The following MGAT4C variants were observed in gnomAD, a reference collection of about 807,000 sequenced individuals.
The protein encoded by MGAT4C is alpha-1,3-mannosyl-glycoprotein 4-beta-N-acetylglucosaminyltransferase C.
In MGAT4C, 19 loss-of-function variants were observed where a neutral mutation model predicts 40.1. That is an observed-to-expected ratio of 0.47 (90% CI 0.33 to 0.70). The LOEUF is 0.70. Ranked by LOEUF, MGAT4C falls within the 30% of genes least tolerant of loss-of-function variation. The pLI, the probability that MGAT4C is intolerant of heterozygous loss-of-function variation, is 0.02. For missense variants in MGAT4C, 491 were observed against 563.2 expected, an observed-to-expected ratio of 0.87 and a Z score of 1.30; for synonymous variants, 181 against 187.1, an observed-to-expected ratio of 0.97 and a Z score of 0.27.
chr12:86,374,689 C>T (rs1955791477), intron 3 of MGAT4C, among the ~76,000 whole-genome samples: 1 of 152,128 alleles, frequency 6.6e-6, no homozygotes, highest in African/African-American at 2.4e-5. Context: ...ACAGCTTATG[C>T]TTCACCATGC....
chr12:86,286,485 G>A lies in MGAT4C; in HGVS notation c.-57+47580C>T, dbSNP rs182161508. ...ATTCCTCACACTATTAAGCATGTACGTTTTTAAAACATGGCAGTAAATGAA... is the reference window on the plus strand; with the variant it reads ...ATTCCTCACACTATTAAGCATGTACATTTTTAAAACATGGCAGTAAATGAA... On this transcript the variant is annotated intron_variant, in intron 4 of 7. Transcript: ENST00000548651. 1.9e-3 allele frequency among the ~76,000 whole-genome samples: 293 copies of A among 152,222 alleles called. 3 individuals are homozygous for A. Among genetic ancestry groups the A allele is most frequent in the Admixed American group, 0.018 (279 of 15,278 alleles).
intron 1 of MGAT4C, among the ~76,000 whole-genome samples, chr12:86,803,031 T>C (rs1952263922): frequency 7.5e-6 from 1 of 133,404 alleles, no homozygotes; most frequent in African/African-American, 2.8e-5. Context: ...AAGGCTACAG[T>C]AACCAAAACA....
intron 2 of MGAT4C, among the ~76,000 whole-genome samples, chr12:86,624,181 G>A (rs1260918269): frequency 6.6e-6 from 1 of 152,124 alleles, no homozygotes; most frequent in Admixed American, 6.6e-5. Context: ...ACTGAGGCAA[G>A]GGCCTACCCA....
chr12:86,534,457 A>G (rs994125383), intron 2 of MGAT4C, among the ~76,000 whole-genome samples: 1 of 152,120 alleles, frequency 6.6e-6, no homozygotes, highest in Admixed American at 6.6e-5. Context: ...TATGAAATCA[A>G]ACTGTACACC....
At chr12:86,782,831 A>C (rs1241603774) in intron 1 of MGAT4C, among the ~76,000 whole-genome samples, 1 of 152,200 alleles carries the variant, frequency 6.6e-6, no homozygotes, top group Non-Finnish European at 1.5e-5. Flanking sequence ...CTGCGTATGT[A>C]CAAGCCAGAA....
chr12:86,324,994 T>C (rs11103929), intron 4 of MGAT4C, among the ~76,000 whole-genome samples: 2,113 of 152,238 alleles, frequency 0.014, 63 homozygotes, highest in African/African-American at 0.048. Flanking sequence ...TGTTACTTGG[T>C]ATAAAATAAA....
At chr12:86,363,154 T>C (rs61949471) in intron 3 of MGAT4C, among the ~76,000 whole-genome samples, 12,890 of 152,074 alleles carry the variant, frequency 0.085, 763 homozygotes, top group Middle Eastern at 0.23. Flanking sequence ...GGGTATATAA[T>C]ATATTATCAA....
intron 3 of MGAT4C, among the ~76,000 whole-genome samples, chr12:86,336,845 G>A (rs144431555): frequency 3.6e-4 from 55 of 152,234 alleles, no homozygotes; most frequent in Non-Finnish European, 5.9e-4. Flanking sequence ...TTCAATATTT[G>A]TATGCGAGTT....
chr12:86,114,697 C>T (rs1375239469), intron 1 of MGAT4C, among the ~76,000 whole-genome samples: 1 of 151,736 alleles, frequency 6.6e-6, no homozygotes, highest in Non-Finnish European at 1.5e-5. Context: ...CTCTGAGGTG[C>T]CCAAGGCAAA....
At chr12:86,574,864 C>A (rs1030879308) in intron 2 of MGAT4C, among the ~76,000 whole-genome samples, 6 of 151,776 alleles carry the variant, frequency 4.0e-5, no homozygotes, top group African/African-American at 1.4e-4. Context: ...TATTAACCCC[C>A]TGATTTTTAT....
At chr12:86,046,872 T>C (rs185085767) in intron 2 of MGAT4C, among the ~76,000 whole-genome samples, 538 of 152,322 alleles carry the variant, frequency 3.5e-3, no homozygotes, top group African/African-American at 0.013. Context: ...TTCTATTGAA[T>C]CATACACGAA....
At chr12:86,712,549 A>C (rs1172681042) in intron 2 of MGAT4C, among the ~76,000 whole-genome samples, 2 of 152,136 alleles carry the variant, frequency 1.3e-5, no homozygotes, top group African/African-American at 4.8e-5. Flanking sequence ...CCACTTGACA[A>C]AGCATTTATG....
intron 2 of MGAT4C, among the ~76,000 whole-genome samples, chr12:86,670,252 G>A (rs188258516): frequency 3.3e-5 from 5 of 151,992 alleles, no homozygotes; most frequent in Non-Finnish European, 7.4e-5. Context: ...TTCAACAAAT[G>A]GATTTCAAGG....
intron 1 of MGAT4C, among the ~76,000 whole-genome samples, chr12:86,216,654 A>T (rs115621826): frequency 6.6e-6 from 1 of 152,212 alleles, no homozygotes. Context: ...AATGTAAAAG[A>T]GCTCTATCTA....
intron 1 of MGAT4C, among the ~76,000 whole-genome samples, chr12:86,195,067 C>T (rs987896999): frequency 1.3e-5 from 2 of 152,196 alleles, no homozygotes; most frequent in Non-Finnish European, 2.9e-5. Context: ...CTTGGTGCCT[C>T]AAGTTCTGGC....
chr12:86,762,419 A>G (rs1013918465), intron 1 of MGAT4C, among the ~76,000 whole-genome samples: 2 of 152,098 alleles, frequency 1.3e-5, no homozygotes, highest in African/African-American at 2.4e-5. Context: ...GACAGAATTA[A>G]GACTATGCAA....
At chr12:86,145,523 T>C (rs1052229150) in intron 1 of MGAT4C, among the ~76,000 whole-genome samples, 1 of 152,190 alleles carries the variant, frequency 6.6e-6, no homozygotes, top group Admixed American at 6.5e-5. Context: ...AATTATATTT[T>C]TATGTTGTGA....
chr12:86,383,564 A>AC (rs1037422897), intron 3 of MGAT4C, among the ~76,000 whole-genome samples: 4 of 151,014 alleles, frequency 2.6e-5, no homozygotes, highest in Non-Finnish European at 4.4e-5. Context: ...AAAAAAAAAA[A>AC]AAAAAAAAAA....
intron 1 of MGAT4C, among the ~76,000 whole-genome samples, chr12:86,074,951 G>A (rs928358593): frequency 6.6e-6 from 1 of 152,036 alleles, no homozygotes; most frequent in Non-Finnish European, 1.5e-5. Flanking sequence ...ATTTGGGTGG[G>A]GACACAGCCA....
Sources: allele counts gnomAD v4.1 joint callset (sites outside exome capture counted in the v4.1 genomes callset), GRCh38; gene constraint gnomAD v4.1.1; transcripts MANE v1.5; gene names NCBI Gene and HGNC (gene_info 2026-07-23, HGNC 2026-07-21).